The following C1orf167 variants were observed in gnomAD, a reference collection of about 807,000 sequenced individuals.
The protein encoded by C1orf167 is uncharacterized protein C1orf167.
A neutral mutation model predicts 176.5 loss-of-function variants in C1orf167; 153 were observed. The observed-to-expected ratio is 0.87, with a 90% CI of 0.76 to 0.99. The LOEUF (loss-of-function observed/expected upper bound fraction) is 0.99. Among genes scored for constraint, C1orf167 ranks in the 50% least tolerant of loss-of-function variants. C1orf167 has a pLI of 0.00. For synonymous variants in C1orf167, 594 were observed against 752.7 expected, an observed-to-expected ratio of 0.79 and a Z score of 3.45; for missense variants, 1,490 against 1,817.7, an observed-to-expected ratio of 0.82 and a Z score of 3.28.
intron 10 of C1orf167, chr1:11,778,394 CTG>C (rs1643425802): frequency 9.6e-6 from 2 of 208,712 alleles, no homozygotes; most frequent in South Asian, 1.3e-4. Context: ...GAAGCCCAGA[CTG>C]TACCCTGACC....
chr1:11,766,804 A>C lies in C1orf167; in HGVS notation c.1018A>C (p.Asn340His), dbSNP rs188115585. ...GGGGACACGGACCAAGGATTCCCTTAATCCTGAGCAGGGGCTCCCTCCTGC... is the reference window on the plus strand; with the variant it reads ...GGGGACACGGACCAAGGATTCCCTTCATCCTGAGCAGGGGCTCCCTCCTGC... ...TLGTRTKDSL[N>H]PEQGLPPAHP... The change falls in exon 3 of 21, where the codon AAT (asparagine) becomes CAT (histidine). Residue 340 changes from asparagine to histidine, a missense_variant. Transcript: ENST00000688073. This position sits in a 1 kb window ranked among gnomAD's most constrained non-coding sequence, Gnocchi z 4.5. 7.8e-4 allele frequency: 1,001 copies of C among 1,289,534 alleles called. 8 individuals are homozygous for C. The African/African-American group carries it at 0.012, about 15-fold the overall frequency. 79.9% of individuals were successfully genotyped at this position (1,289,534 alleles called of 1,614,324 possible). A position where few individuals can be genotyped will look rare whatever the true frequency, so the allele number is the denominator to read the frequency against.
intron 10 of C1orf167, 60 bp downstream of exon 10, chr1:11,776,698 G>A (rs1325396945): frequency 1.7e-6 from 2 of 1,164,134 alleles, no homozygotes; most frequent in African/African-American, 3.3e-5. Flanking sequence ...GTGGGCACGT[G>A]AGCAGTGCTC....
chr1:11,778,666 C>T lies in C1orf167; in HGVS notation c.2346C>T (p.Phe782=), dbSNP rs1245976791. The T allele has an allele frequency of 7.7e-7, 1 of 1,295,988 alleles. No individual in the cohort carries two copies. Among genetic ancestry groups the T allele is most frequent in the Non-Finnish European group, 1.0e-6 (1 of 982,624 alleles). The allele number at this position is 1,295,988 out of a possible 1,614,324, so 80.3% of individuals were successfully genotyped here. A position where few individuals can be genotyped will look rare whatever the true frequency, so the allele number is the denominator to read the frequency against. ...TCACCTGCCCCTTCTCTAGCTCCTT[C>T]TTCCAGGGCCTGCAGCAGCGGATGC... ...RLFQRQWANS[F]FQGLQQRMLQ... The change falls in exon 11 of 21, where the codon TTC becomes TTT. Residue 782 remains phenylalanine (F), a synonymous_variant. Coordinates refer to ENST00000688073, the MANE Select transcript of C1orf167 (RefSeq NM_001010881.2).
At chr1:11,774,560 G>A (rs1321599942) in intron 8 of C1orf167, among the ~76,000 whole-genome samples, 1 of 152,170 alleles carries the variant, frequency 6.6e-6, no homozygotes, top group Admixed American at 6.6e-5. Context: ...TTGCCTGGTG[G>A]AGGAAGATCA....
Position 11,768,324 on chromosome 1 carries a change from G to T in C1orf167, c.1542+49G>T. The T allele has an allele frequency of 7.8e-7, 1 of 1,274,324 alleles. No homozygotes were observed. Among genetic ancestry groups the T allele is most frequent in the Non-Finnish European group, 1.0e-6 (1 of 976,640 alleles). The allele number at this position is 1,274,324 out of a possible 1,614,324, so 78.9% of individuals were successfully genotyped here. On this transcript the variant is annotated intron_variant, in intron 5 of 20. Transcript: ENST00000688073. The surrounding 1 kb of genome is among the most constrained non-coding windows in gnomAD (Gnocchi z 4.5). ...AGGGGGCCGTGTGAAGCAGTGGTGT[G>T]TCTGGGGAGGAGACTCAGTCTACGG...
In C1orf167 at chr1:11,767,999, A is replaced by G. The variant is rs1292637986; in HGVS notation, c.1344-78A>G. 2.7e-6 allele frequency: 3 copies of G among 1,122,264 alleles called. No homozygotes were observed. The African/African-American group carries it at 4.9e-5, about 18-fold the overall frequency. The allele number at this position is 1,122,264 out of a possible 1,614,324, so 69.5% of individuals were successfully genotyped here. On this transcript the variant is annotated intron_variant, in intron 4 of 20. Coordinates refer to ENST00000688073, the MANE Select transcript of C1orf167 (RefSeq NM_001010881.2). Reference sequence around the variant, plus strand: ...CTACTGATTGCTGGAAAGGCATCTCAGAGGGTATCCAGCCACTGGGCTGTC... The same window carrying G: ...CTACTGATTGCTGGAAAGGCATCTCGGAGGGTATCCAGCCACTGGGCTGTC...
At chr1:11,772,000 C>G in intron 7 of C1orf167, 82 bp from the exon 8 acceptor site, 1 of 1,118,314 alleles carries the variant, frequency 8.9e-7, no homozygotes, top group Non-Finnish European at 1.2e-6. Context: ...GACAGGCACC[C>G]CACATGTCAG....
intron 7 of C1orf167, 147 bp from the exon 8 acceptor site, chr1:11,771,935 G>A (rs1557728077): frequency 1.8e-6 from 1 of 547,214 alleles, no homozygotes; most frequent in Non-Finnish European, 2.9e-6. Context: ...GCCCACACCA[G>A]AGGCTGGAGT....
Position 11,779,055 on chromosome 1 carries a change from T to A in C1orf167, c.2626T>A (p.Trp876Arg). 7.9e-7 allele frequency: 1 copy of A among 1,272,638 alleles called. No individual in the cohort carries two copies. Among genetic ancestry groups the A allele is most frequent in the Non-Finnish European group, 1.0e-6 (1 of 974,478 alleles). The allele number at this position is 1,272,638 out of a possible 1,614,324, so 78.8% of individuals were successfully genotyped here. The stretch of plus-strand genomic sequence containing the variant: ...CCAGCAGTTCCAGGGCACAGCCAGG[T>A]GGTACCAGCATACCCGCCAGAGGCG... The part of the protein sequence containing the change: ...RAQQFQGTAR[W>R]YQHTRQRRIF... The change falls in exon 12 of 21, where the codon TGG (tryptophan) becomes AGG (arginine). Residue 876 changes from tryptophan (W) to arginine (R), a missense_variant. Physicochemically the swap from Trp to Arg is moderately radical, Grantham distance 101. Transcript: ENST00000688073.
chr1:11,785,459 C>T lies in C1orf167; in HGVS notation c.3567+170C>T, dbSNP rs566373681. On this transcript the variant is annotated intron_variant, in intron 16 of 20. Transcript: ENST00000688073. Reference sequence around the variant, plus strand: ...CGGCCTTAGAATCAGCTTGATTCAGCCGGTGGTGGCAGCATGGCTGGATGC... The same window carrying T: ...CGGCCTTAGAATCAGCTTGATTCAGTCGGTGGTGGCAGCATGGCTGGATGC... Among the ~76,000 whole-genome samples, 694 of 152,328 alleles carry T rather than the reference C, an allele frequency of 4.6e-3. 9 individuals are homozygous for T. The highest frequency in any genetic ancestry group is 0.016 in the African/African-American group (669 of 41,582).
chr1:11,783,338 C>A (rs187263430), intron 14 of C1orf167, among the ~76,000 whole-genome samples: 15 of 152,260 alleles, frequency 9.9e-5, no homozygotes, highest in Admixed American at 2.6e-4. Context: ...ACCTCCGCCT[C>A]CCGGGTTCAA....
Position 11,769,137 on chromosome 1 carries a change from T to C in C1orf167, c.1697+10T>C. ...GGCTGGAACACACCAGGTTGGTCAGTGTTGCCTGGGAAGCCGGTGGCCTTT... is the reference window on the plus strand; with the variant it reads ...GGCTGGAACACACCAGGTTGGTCAGCGTTGCCTGGGAAGCCGGTGGCCTTT... On this transcript the variant is annotated intron_variant, in intron 6 of 20. Transcript: ENST00000688073. 1.0e-6 allele frequency: 1 copy of C among 985,928 alleles called. No homozygotes were observed. Among genetic ancestry groups the C allele is most frequent in the Non-Finnish European group, 1.2e-6 (1 of 829,974 alleles). The allele number at this position is 985,928 out of a possible 1,614,324, so 61.1% of individuals were successfully genotyped here.
At chr1:11,769,820 C>T (rs1029709786) in intron 6 of C1orf167, among the ~76,000 whole-genome samples, 8 of 152,056 alleles carry the variant, frequency 5.3e-5, no homozygotes, top group African/African-American at 1.7e-4. Flanking sequence ...TACAGGCGCC[C>T]ACCACCATGC....
At chr1:11,777,047 A>G (rs1439152967) in intron 10 of C1orf167, 1 of 154,086 alleles carries the variant, frequency 6.5e-6, no homozygotes, top group Admixed American at 6.4e-5. Flanking sequence ...GCAGGCACAG[A>G]ATAAATACTG....
Position 11,766,010 on chromosome 1 carries a change from T to A in C1orf167, c.224T>A (p.Leu75Gln), listed in dbSNP as rs1432417298. The A allele has an allele frequency of 1.6e-6, 2 of 1,289,474 alleles. No individual in the cohort carries two copies. The highest frequency in any genetic ancestry group is 4.6e-5 in the Admixed American group (2 of 43,526). The allele number at this position is 1,289,474 out of a possible 1,614,324, so 79.9% of individuals were successfully genotyped here. Residue 75 changes from leucine to glutamine, a missense_variant, in exon 3 of 21, where the codon CTG becomes CAG. Physicochemically the swap from Leu to Gln is moderately radical, Grantham distance 113 (BLOSUM62 -2). Coordinates refer to ENST00000688073, the MANE Select transcript of C1orf167 (RefSeq NM_001010881.2). The surrounding 1 kb of genome is among the most constrained non-coding windows in gnomAD (Gnocchi z 4.5). ...GAGCCCTGCCGAGTCCAGACCAACC[T>A]GGCCAGCCCTGGTCCCCGCCTGGGC... is the stretch of plus-strand genomic sequence containing the variant. ...DQEPCRVQTN[L>Q]ASPGPRLGLA...
At chr1:11,785,976 T>G (rs1158378560) in intron 16 of C1orf167, 1 of 151,416 alleles carries the variant, frequency 6.6e-6, no homozygotes, top group Non-Finnish European at 1.5e-5. Flanking sequence ...CAAGTGATCC[T>G]CCCACCTCGA....
chr1:11,778,618 G>C, intron 10 of C1orf167, 42 bp from the exon 11 acceptor site: 1 of 1,264,798 alleles, frequency 7.9e-7, no homozygotes, highest in Non-Finnish European at 1.0e-6. Context: ...TGCACAGCCT[G>C]AGGGTGAGGC....
intron 16 of C1orf167, 64 bp downstream of exon 16, chr1:11,785,353 C>G (rs1643810179): frequency 8.2e-7 from 1 of 1,221,206 alleles, no homozygotes; most frequent in African/African-American, 1.6e-5. Flanking sequence ...GGGGAGCCTG[C>G]TGCTGGACGC....
intron 3 of C1orf167, 57 bp from the exon 4 acceptor site, chr1:11,767,164 C>T (rs1642841643): frequency 7.0e-6 from 9 of 1,286,192 alleles, no homozygotes; most frequent in Non-Finnish European, 9.1e-6. Flanking sequence ...GCAGGGGGTG[C>T]CCTGTCCTGC....
Sources: allele counts gnomAD v4.1 joint callset (sites outside exome capture counted in the v4.1 genomes callset), GRCh38; gene constraint gnomAD v4.1.1; non-coding constraint Gnocchi (gnomAD v3.1); transcripts MANE v1.5; gene names NCBI Gene and HGNC (gene_info 2026-07-23, HGNC 2026-07-21).